Variants in PDE3A observed in about 807,000 individuals in gnomAD.
PDE3A encodes the protein cGMP-inhibited 3',5'-cyclic phosphodiesterase 3A.
A neutral mutation model predicts 98.3 loss-of-function variants in PDE3A; 43 were observed. The ratio of observed to expected loss-of-function variants is 0.44; its 90% CI spans 0.34 to 0.56. The LOEUF is 0.56. Among genes scored for constraint, PDE3A ranks in the 20% least tolerant of loss-of-function variants. The pLI is 0.01. For synonymous variants in PDE3A, 663 were observed against 567.9 expected, an observed-to-expected ratio of 1.17 and a Z score of -2.38; for missense variants, 1,427 against 1,440.7, an observed-to-expected ratio of 0.99 and a Z score of 0.15.
At chr12:20,528,115 T>G (rs1441203018) in intron 1 of PDE3A, among the ~76,000 whole-genome samples, 1 of 152,160 alleles carries the variant, frequency 6.6e-6, no homozygotes, top group Non-Finnish European at 1.5e-5. Flanking sequence ...CAACTTTAAT[T>G]GTTTCTTTTG....
intron 1 of PDE3A, among the ~76,000 whole-genome samples, chr12:20,389,582 C>T (rs896672018): frequency 2.6e-5 from 4 of 151,846 alleles, no homozygotes; most frequent in Non-Finnish European, 5.9e-5. Flanking sequence ...TATTCTAGAA[C>T]GTTTGAAGAG....
At chr12:20,474,839 C>G (rs957302509) in intron 1 of PDE3A, among the ~76,000 whole-genome samples, 2 of 152,152 alleles carry the variant, frequency 1.3e-5, no homozygotes, top group Admixed American at 1.3e-4. Context: ...TCTCAAAATC[C>G]TTAATTTAGT....
rs367708210 is a variant in PDE3A, at chr12:20,459,449, A to G, written c.960+89205A>G. Among the ~76,000 whole-genome samples, 20 of 152,292 alleles carry G rather than the reference A, an allele frequency of 1.3e-4. No homozygotes were observed. In the South Asian group the frequency reaches 3.9e-3, roughly 30 times the overall value. Reference sequence around the variant, plus strand: ...AAATAAGTATAAGTATGTTATGTGTATAAAGTAAAAATTTTAAAGACATTT... The same window carrying G: ...AAATAAGTATAAGTATGTTATGTGTGTAAAGTAAAAATTTTAAAGACATTT... On this transcript the variant is annotated intron_variant, in intron 1 of 15. Coordinates refer to ENST00000359062, the MANE Select transcript of PDE3A (RefSeq NM_000921.5).
intron 1 of PDE3A, among the ~76,000 whole-genome samples, chr12:20,451,679 C>T (rs1011052528): frequency 6.6e-6 from 1 of 152,134 alleles, no homozygotes; most frequent in Non-Finnish European, 1.5e-5. Context: ...AGAAGAATCC[C>T]AAAGCAAAAG....
chr12:20,474,343 T>C (rs1945491466), intron 1 of PDE3A, among the ~76,000 whole-genome samples: 2 of 152,226 alleles, frequency 1.3e-5, no homozygotes, highest in Admixed American at 6.5e-5. Flanking sequence ...GTCGTCTAGA[T>C]ATATTGTGAG....
intron 1 of PDE3A, among the ~76,000 whole-genome samples, chr12:20,428,222 C>A (rs1252890909): frequency 1.3e-5 from 2 of 152,152 alleles, no homozygotes; most frequent in Non-Finnish European, 2.9e-5. Flanking sequence ...AAATCACAAT[C>A]CCCAAAACAT....
At chr12:20,575,347 G>A (rs1942904701) in intron 2 of PDE3A, among the ~76,000 whole-genome samples, 1 of 151,750 alleles carries the variant, frequency 6.6e-6, no homozygotes, top group Non-Finnish European at 1.5e-5. Context: ...TATAGTATTT[G>A]GAATTAAGCT....
rs148318159 is a variant in PDE3A, at chr12:20,369,857, G to A, written c.573G>A (p.Ala191=). 10 of 1,612,228 alleles carry A rather than the reference G, an allele frequency of 6.2e-6. No homozygotes were observed. The African/African-American group carries it at 1.1e-4, about 17-fold the overall frequency. ...GEDHLLSLPA[A]GVVLSCLAAA... The stretch of plus-strand genomic sequence containing the variant: ...ATCACTTACTCTCACTCCCCGCCGC[G>A]GGGGTGGTGCTCAGCTGCTTGGCCG... The change falls in exon 1 of 16, where the codon GCG becomes GCA. Residue 191 remains alanine, a synonymous_variant. Coordinates refer to ENST00000359062, the MANE Select transcript of PDE3A (RefSeq NM_000921.5).
rs1197598725 is a variant in PDE3A, at chr12:20,680,031, A to G, written c.3186A>G (p.Lys1062=). The part of the protein sequence containing the change: ...EETCENNESP[K]KKTFKRRKIY... ...TGTTTTTTATTTTATTTATTTTAGAAAAGAAGACTTTCAAAAGGAGAAAAA... is the reference window on the plus strand; with the variant it reads ...TGTTTTTTATTTTATTTATTTTAGAGAAGAAGACTTTCAAAAGGAGAAAAA... Residue 1062 remains lysine, a splice_region_variant and synonymous_variant, in exon 16 of 16, where the codon AAA becomes AAG. Transcript: ENST00000359062. 6.3e-7 allele frequency: 1 copy of G among 1,592,408 alleles called. No individual in the cohort carries two copies. The highest frequency in any genetic ancestry group is 1.7e-5 in the Admixed American group (1 of 58,492).
chr12:20,525,081 G>A (rs1474838377), intron 1 of PDE3A, among the ~76,000 whole-genome samples: 3 of 152,130 alleles, frequency 2.0e-5, no homozygotes, highest in African/African-American at 4.8e-5. Flanking sequence ...GTGGTGAGCC[G>A]AGATCCACCA....
chr12:20,672,848 TG>T (rs1945523940), intron 15 of PDE3A, among the ~76,000 whole-genome samples: 1 of 133,290 alleles, frequency 7.5e-6, no homozygotes, highest in Non-Finnish European at 1.6e-5. Flanking sequence ...AATTGACAAA[TG>T]GGATCTAATT....
chr12:20,670,409 C>T (rs1319282661), intron 15 of PDE3A, among the ~76,000 whole-genome samples: 2 of 151,732 alleles, frequency 1.3e-5, no homozygotes, highest in African/African-American at 4.9e-5. Context: ...TTTTCAGCAC[C>T]ACACCACACC....
In PDE3A at chr12:20,498,525, G is replaced by T. The variant is rs74066466; in HGVS notation, c.961-58135G>T. Among the ~76,000 whole-genome samples the T allele has an allele frequency of 7.9e-3, 1,203 of 151,754 alleles. 13 individuals are homozygous for T. The highest frequency in any genetic ancestry group is 0.028 in the African/African-American group (1,154 of 41,258). ...TATCTAGAGATGATTTAAAGTGAACGGGAGAATGTGCATAGGTTATATGCA... is the reference window on the plus strand; with the variant it reads ...TATCTAGAGATGATTTAAAGTGAACTGGAGAATGTGCATAGGTTATATGCA... On this transcript the variant is annotated intron_variant, in intron 1 of 15. Transcript: ENST00000359062.
At chr12:20,475,919 G>A (rs1017261182) in intron 1 of PDE3A, among the ~76,000 whole-genome samples, 2 of 152,160 alleles carry the variant, frequency 1.3e-5, no homozygotes, top group African/African-American at 4.8e-5. Flanking sequence ...AAGCACCCAA[G>A]TAGAAACCAG....
At chr12:20,579,374 C>T (rs969980736) in intron 2 of PDE3A, among the ~76,000 whole-genome samples, 4 of 142,264 alleles carry the variant, frequency 2.8e-5, no homozygotes, top group South Asian at 2.4e-4. Flanking sequence ...TTGCCTTTTC[C>T]GTGTTCTTGG....
intron 1 of PDE3A, among the ~76,000 whole-genome samples, chr12:20,432,570 GTA>G (rs1426444374): frequency 1.3e-5 from 2 of 152,108 alleles, no homozygotes; most frequent in African/African-American, 4.8e-5. Flanking sequence ...TCATCAAGTT[GTA>G]TATATTTAAT....
At chr12:20,400,452 G>A (rs1944108192) in intron 1 of PDE3A, among the ~76,000 whole-genome samples, 1 of 136,370 alleles carries the variant, frequency 7.3e-6, no homozygotes, top group African/African-American at 2.9e-5. Flanking sequence ...TGTCGCCCAG[G>A]CTGGAGTGCA....
intron 15 of PDE3A, among the ~76,000 whole-genome samples, chr12:20,662,048 T>G (rs1945183567): frequency 6.6e-6 from 1 of 152,158 alleles, no homozygotes; most frequent in African/African-American, 2.4e-5. Context: ...GGGGCAGAGC[T>G]GCCCAACACT....
In PDE3A at chr12:20,686,787, C is replaced by T. The variant is rs896397427; in HGVS notation, c.*6516C>T. Among the ~76,000 whole-genome samples, 12 of 152,058 alleles carry T rather than the reference C, an allele frequency of 7.9e-5. No homozygotes were observed. Among genetic ancestry groups the T allele is most frequent in the Non-Finnish European group, 1.6e-4 (11 of 67,994 alleles). ...CATAATTAAAAGAAAGAATGGCCTT[C>T]GACTTAAGTTCTAGTTCCTCAAGCC... On this transcript the variant is annotated 3_prime_UTR_variant, in exon 16 of 16. Coordinates refer to ENST00000359062, the MANE Select transcript of PDE3A (RefSeq NM_000921.5).
Sources: allele counts gnomAD v4.1 joint callset (sites outside exome capture counted in the v4.1 genomes callset), GRCh38; gene constraint gnomAD v4.1.1; transcripts MANE v1.5; gene names NCBI Gene and HGNC (gene_info 2026-07-23, HGNC 2026-07-21).